The following MYO16 variants were observed in gnomAD, a reference collection of about 807,000 sequenced individuals.
MYO16 encodes the protein myosin XVI.
Under a neutral mutation model 205.3 loss-of-function variants are expected in MYO16, and 94 were observed. The observed-to-expected ratio is 0.46, with a 90% CI of 0.39 to 0.54. The LOEUF (loss-of-function observed/expected upper bound fraction) is 0.54, where lower values mean the gene tolerates loss of function less well. MYO16 is among the 20% of genes least tolerant of loss of function. The probability of loss-of-function intolerance (pLI) is 0.00; values close to 1 mark genes in which losing one functional copy is unlikely to be tolerated. For missense variants in MYO16, 2,315 were observed against 2,387.5 expected (o/e 0.97, Z 0.63); for synonymous variants, 988 against 954.0 (o/e 1.04, Z -0.66).
intron 2 of MYO16, among the ~76,000 whole-genome samples, chr13:108,685,025 ATT>A (rs60535536): frequency 7.0e-6 from 1 of 142,048 alleles, no homozygotes. Context: ...AACCACCCCA[ATT>A]TTTTTTTTTT....
chr13:108,880,304 C>T (rs1457995785), intron 12 of MYO16, among the ~76,000 whole-genome samples: 2 of 152,160 alleles, frequency 1.3e-5, no homozygotes, highest in African/African-American at 4.8e-5. Flanking sequence ...TTCTCCCATT[C>T]TGTAGGTTGC....
intron 27 of MYO16, among the ~76,000 whole-genome samples, chr13:109,064,849 A>C (rs1305233100): frequency 6.6e-6 from 1 of 152,212 alleles, no homozygotes; most frequent in Admixed American, 6.5e-5. Flanking sequence ...CAAAACACAT[A>C]ACAAAGGGTT....
chr13:109,127,926 G>A lies in MYO16; in HGVS notation c.4051+376G>A, dbSNP rs1328523134. 6.6e-6 allele frequency among the ~76,000 whole-genome samples: 1 copy of A among 150,760 alleles called. No homozygotes were observed. The highest frequency in any genetic ancestry group is 1.5e-5 in the Non-Finnish European group (1 of 67,876). On this transcript the variant is annotated intron_variant, in intron 31 of 34. Transcript: ENST00000457511. The surrounding 1 kb of genome is among the most constrained non-coding windows in gnomAD (Gnocchi z 4.2). ...CACAATCTAATAAAAAATTAAGACTGCTTCATCATATGATAAGTGAAATTA... is the reference window on the plus strand; with the variant it reads ...CACAATCTAATAAAAAATTAAGACTACTTCATCATATGATAAGTGAAATTA...
At chr13:108,873,371 C>T (rs1418628662) in intron 12 of MYO16, among the ~76,000 whole-genome samples, 1 of 152,212 alleles carries the variant, frequency 6.6e-6, no homozygotes, top group African/African-American at 2.4e-5. Flanking sequence ...TTATATTAAG[C>T]CTTTGCATAA....
At chr13:108,613,361 C>A (rs1336416537) in intron 1 of MYO16, among the ~76,000 whole-genome samples, 4 of 152,096 alleles carry the variant, frequency 2.6e-5, no homozygotes, top group African/African-American at 9.7e-5. Context: ...TAAAATTTAT[C>A]TTTACTTGTC....
chr13:109,089,381 T>C (rs1311372578), intron 27 of MYO16, among the ~76,000 whole-genome samples: 1 of 151,884 alleles, frequency 6.6e-6, no homozygotes, highest in Non-Finnish European at 1.5e-5. Context: ...GCCCAGCTAA[T>C]TTTTGTATTT....
At chr13:108,783,331 T>C (rs1886363252) in intron 4 of MYO16, among the ~76,000 whole-genome samples, 1 of 152,170 alleles carries the variant, frequency 6.6e-6, no homozygotes, top group African/African-American at 2.4e-5. Flanking sequence ...TGTAACCCCT[T>C]TGTTTTGACC....
In MYO16 at chr13:108,930,948, T is replaced by C. The variant is rs552743698; in HGVS notation, c.1925+20798T>C. On this transcript the variant is annotated intron_variant, in intron 16 of 34. Transcript: ENST00000457511. ...TTTAGATTAAATAGATAAATGGAAATAGTTCTTTTTAAGATACTGCTGAAG... is the reference window on the plus strand; with the variant it reads ...TTTAGATTAAATAGATAAATGGAAACAGTTCTTTTTAAGATACTGCTGAAG... 2.4e-4 allele frequency among the ~76,000 whole-genome samples: 37 copies of C among 152,234 alleles called. No individual in the cohort carries two copies. The South Asian group carries it at 7.3e-3, about 30-fold the overall frequency.
At chr13:108,895,086 T>C (rs1880348007) in intron 14 of MYO16, among the ~76,000 whole-genome samples, 1 of 152,176 alleles carries the variant, frequency 6.6e-6, no homozygotes. Flanking sequence ...GAGTTAATAT[T>C]TTTTATAGAG....
intron 30 of MYO16, among the ~76,000 whole-genome samples, chr13:109,126,255 CTG>C (rs1876244236): frequency 6.6e-6 from 1 of 152,170 alleles, no homozygotes. Context: ...GAAAAAAAGA[CTG>C]TAATTAAACA....
the MYO16 span, among the ~76,000 whole-genome samples, chr13:108,571,386 G>A: frequency 6.6e-6 from 1 of 151,956 alleles, no homozygotes; most frequent in African/African-American, 2.4e-5. Flanking sequence ...AATTTGGCAA[G>A]GACTACAGGT....
rs1260574471 is a variant in MYO16 at position 108,774,585 on chromosome 13, C to T, written c.508-11050C>T. On this transcript the variant is annotated intron_variant, in intron 4 of 34. Coordinates refer to ENST00000457511, the MANE Select transcript of MYO16 (RefSeq NM_001198950.3). ...TTTTTTTCGGAGCCAAACTTAGAGA[C>T]GTGCCTTACAGTCTATGTTGTACAA... Among the ~76,000 whole-genome samples the T allele has an allele frequency of 2.0e-5, 3 of 151,944 alleles. No homozygotes were observed. The East Asian group carries it at 5.8e-4, about 29-fold the overall frequency.
chr13:109,201,204 T>G (rs1880378650), intron 34 of MYO16, among the ~76,000 whole-genome samples: 1 of 152,194 alleles, frequency 6.6e-6, no homozygotes, highest in South Asian at 2.1e-4. Context: ...CTTTTAGTAA[T>G]TTCACAAGAG....
At chr13:109,106,049 G>A (rs1889115134) in intron 28 of MYO16, among the ~76,000 whole-genome samples, 1 of 152,178 alleles carries the variant, frequency 6.6e-6, no homozygotes, top group Non-Finnish European at 1.5e-5. Flanking sequence ...TGCAAAGTGG[G>A]ATTTATGTAA....
chr13:109,125,233 T>A lies in MYO16; in HGVS notation c.3657T>A (p.Asp1219Glu). ...NTEDMGLKTY[D>E]ALVIQNASDI... ...AGGACATGGGGCTGAAAACCTACGA[T>A]GCCCTGGTCATTCAGAATGCTTCAG... Residue 1219 changes from aspartate to glutamate, a missense_variant, in exon 30 of 35, where the codon GAT (aspartate) becomes GAA (glutamate). Asp to Glu is a conservative substitution (Grantham distance 45). Around this residue, in one of 3 missense-constraint regions of MYO16, gnomAD observed 1,097 missense variants for 1,092.0 expected, o/e 1.00. Coordinates refer to ENST00000457511, the MANE Select transcript of MYO16 (RefSeq NM_001198950.3). The surrounding 1 kb of genome is among the most constrained non-coding windows in gnomAD (Gnocchi z 4.0). 1 of 1,614,138 alleles carries A rather than the reference T, an allele frequency of 6.2e-7. No individual in the cohort carries two copies. Among genetic ancestry groups the A allele is most frequent in the South Asian group, 1.1e-5 (1 of 91,076 alleles).
chr13:108,793,741 A>G (rs1886696140), intron 6 of MYO16, 101 bp downstream of exon 6: 2 of 1,267,158 alleles, frequency 1.6e-6, no homozygotes, highest in Non-Finnish European at 1.1e-6. Flanking sequence ...AATTGTTGTG[A>G]TCATAAAGTA....
At position 109,125,837 on chromosome 13, in the gene MYO16, A is replaced by C. The variant is rs1026433425; in HGVS notation, c.3782+479A>C. 2.6e-5 allele frequency among the ~76,000 whole-genome samples: 4 copies of C among 152,218 alleles called. No individual in the cohort carries two copies. The highest frequency in any genetic ancestry group is 9.6e-5 in the African/African-American group (4 of 41,464). On this transcript the variant is annotated intron_variant, in intron 30 of 34. Coordinates refer to ENST00000457511, the MANE Select transcript of MYO16 (RefSeq NM_001198950.3). The surrounding 1 kb of genome is among the most constrained non-coding windows in gnomAD (Gnocchi z 4.0). ...TAAGTGTATTATATATCCCTGTGTAAACTGTCACGTCTCTCTTTACCAATA... is the reference window on the plus strand; with the variant it reads ...TAAGTGTATTATATATCCCTGTGTACACTGTCACGTCTCTCTTTACCAATA...
chr13:109,035,076 A>G (rs931245402), intron 23 of MYO16, among the ~76,000 whole-genome samples: 1 of 152,140 alleles, frequency 6.6e-6, no homozygotes, highest in African/African-American at 2.4e-5. Flanking sequence ...TGTTCCTTCT[A>G]CTTTACCACG....
intron 1 of MYO16, among the ~76,000 whole-genome samples, chr13:108,616,529 G>A (rs1458729865): frequency 2.6e-5 from 4 of 152,130 alleles, no homozygotes; most frequent in Non-Finnish European, 5.9e-5. Context: ...ACCATGGGCA[G>A]TAATCCTTTT....
Sources: gnomAD v4.1 joint callset for allele counts (sites outside exome capture counted in the v4.1 genomes callset) on GRCh38, gnomAD v4.1.1 for gene constraint, gnomAD v4.1.1 regional missense constraint, Gnocchi (gnomAD v3.1) non-coding constraint, MANE v1.5 for transcripts, NCBI Gene and HGNC (gene_info 2026-07-23, HGNC 2026-07-21) for gene names.